Variants in FRYL observed in about 807,000 individuals in gnomAD.
FRYL encodes protein furry homolog-like.
A neutral mutation model predicts 351.2 loss-of-function variants in FRYL; 150 were observed. The ratio of observed to expected loss-of-function variants is 0.43; its 90% CI spans 0.37 to 0.49. The LOEUF (loss-of-function observed/expected upper bound fraction) is 0.49, where lower values mean the gene tolerates loss of function less well. Among genes scored for constraint, FRYL ranks in the 20% least tolerant of loss-of-function variants. The pLI is 0.00. For synonymous variants in FRYL, 1,153 were observed against 1,257.1 expected, an observed-to-expected ratio of 0.92 and a Z score of 1.75; for missense variants, 3,036 against 3,619.3, an observed-to-expected ratio of 0.84 and a Z score of 4.13.
At position 48,571,620 on chromosome 4, in the gene FRYL, T is replaced by G. The variant is rs1184737400; in HGVS notation, c.2905-702A>C. 14 of 983,418 alleles carry G rather than the reference T, an allele frequency of 1.4e-5. 1 individual carries two copies. Among genetic ancestry groups the G allele is most frequent in the Non-Finnish European group, 1.4e-5 (12 of 828,020 alleles). The allele number at this position is 983,418 out of a possible 1,614,324, so 60.9% of individuals were successfully genotyped here. ...TTTACTAGTTGAAATTTCACTTTCT[T>G]GTCCATGACCCAATTTTTCTGCCTT... On this transcript the variant is annotated intron_variant, in intron 26 of 63. Transcript: ENST00000358350.
At chr4:48,550,395 G>C in intron 38 of FRYL, 197 bp downstream of exon 38, 1 of 546,332 alleles carries the variant, frequency 1.8e-6, no homozygotes, top group South Asian at 2.8e-5. Context: ...TAGGAAACCA[G>C]TGCTTTAAAA....
rs567829773 is a variant in FRYL, at chr4:48,591,425, G to A, written c.1336-595C>T. The stretch of plus-strand genomic sequence containing the variant: ...CTCTTAAATATACTGCTATCTTAAT[G>A]GAAGAAACTTTCCCCAAATACTTCC... On this transcript the variant is annotated intron_variant, in intron 16 of 63. Coordinates refer to ENST00000358350, the MANE Select transcript of FRYL (RefSeq NM_015030.2). Among the ~76,000 whole-genome samples the A allele has an allele frequency of 3.3e-5, 5 of 152,174 alleles. No homozygotes were observed. In the South Asian group the frequency reaches 1.0e-3, roughly 32 times the overall value.
At chr4:48,575,008 G>T in intron 25 of FRYL, 109 bp downstream of exon 25, 1 of 891,780 alleles carries the variant, frequency 1.1e-6, no homozygotes, top group South Asian at 2.1e-5. Context: ...CCTGGTATGC[G>T]GTCAAGCACT....
intron 4 of FRYL, among the ~76,000 whole-genome samples, chr4:48,626,327 G>T (rs1751819582): frequency 6.6e-6 from 1 of 151,822 alleles, no homozygotes; most frequent in East Asian, 1.9e-4. Flanking sequence ...GATATCTTAA[G>T]AACTATTCGC....
At chr4:48,673,127 TG>T (rs1246610107) in intron 3 of FRYL, among the ~76,000 whole-genome samples, 3 of 152,188 alleles carry the variant, frequency 2.0e-5, no homozygotes, top group Non-Finnish European at 4.4e-5. Context: ...CACTTTGTAA[TG>T]AAATGGAACC....
intron 3 of FRYL, among the ~76,000 whole-genome samples, chr4:48,651,254 GTGTGT>G: frequency 7.8e-6 from 1 of 128,008 alleles, no homozygotes; most frequent in Non-Finnish European, 1.7e-5. Context: ...GTGTGTGTGT[GTGTGT>G]AGTGGTAGAA....
chr4:48,635,940 T>G (rs1169375979), intron 3 of FRYL, among the ~76,000 whole-genome samples: 1 of 152,108 alleles, frequency 6.6e-6, no homozygotes, highest in East Asian at 1.9e-4. Flanking sequence ...ATTCAAAACT[T>G]ATTAAAAAAT....
intron 3 of FRYL, among the ~76,000 whole-genome samples, chr4:48,672,278 C>CCAT (rs1762875852): frequency 6.6e-6 from 1 of 152,152 alleles, no homozygotes; most frequent in South Asian, 2.1e-4. Flanking sequence ...GATGGAAGTG[C>CCAT]CATCTCCTTC....
At chr4:48,638,038 T>C (rs894398491) in intron 3 of FRYL, 2 of 151,946 alleles carry the variant, frequency 1.3e-5, no homozygotes, top group African/African-American at 4.8e-5. Context: ...TTCTCAACAA[T>C]TGGGGTATTT....
intron 11 of FRYL, among the ~76,000 whole-genome samples, chr4:48,603,983 A>C (rs1467993318): frequency 6.6e-6 from 1 of 151,834 alleles, no homozygotes; most frequent in Non-Finnish European, 1.5e-5. Context: ...CCCTAATCAT[A>C]CTCTTTTTAA....
At chr4:48,550,209 G>A (rs1732382647) in intron 38 of FRYL, among the ~76,000 whole-genome samples, 1 of 152,124 alleles carries the variant, frequency 6.6e-6, no homozygotes, top group Non-Finnish European at 1.5e-5. Flanking sequence ...CTGCCTTAAC[G>A]TTATAGTGAA....
chr4:48,544,025 T>C, intron 43 of FRYL, 28 bp from the exon 44 acceptor site: 1 of 1,596,254 alleles, frequency 6.3e-7, no homozygotes, highest in Non-Finnish European at 8.6e-7. Context: ...ACGAGTAGGT[T>C]GTTCTTGTTC....
intron 54 of FRYL, 82 bp from the exon 55 acceptor site, chr4:48,521,297 G>C (rs904133007): frequency 2.9e-6 from 3 of 1,020,356 alleles, no homozygotes; most frequent in Non-Finnish European, 4.3e-6. Context: ...AAATATTTTA[G>C]GGGCTTCGTT....
chr4:48,632,091 AAT>A (rs1560753223), intron 4 of FRYL, among the ~76,000 whole-genome samples: 267 of 23,368 alleles, frequency 0.011, 2 homozygotes, highest in African/African-American at 0.021. Flanking sequence ...AAAAAAAAAA[AAT>A]ATATATATAT....
intron 1 of FRYL, among the ~76,000 whole-genome samples, chr4:48,739,415 A>C (rs1420917241): frequency 6.8e-6 from 1 of 147,838 alleles, no homozygotes; most frequent in African/African-American, 2.4e-5. Flanking sequence ...AAAAAAAAAA[A>C]AAAAAACAAC....
chr4:48,758,154 C>G (rs1287202120), intron 1 of FRYL, among the ~76,000 whole-genome samples: 4 of 152,144 alleles, frequency 2.6e-5, no homozygotes, highest in Admixed American at 6.5e-5. Flanking sequence ...CTAGGCAATA[C>G]CATTCAGGAC....
intron 3 of FRYL, among the ~76,000 whole-genome samples, chr4:48,636,218 C>CA (rs1754205160): frequency 6.6e-6 from 1 of 151,936 alleles, no homozygotes; most frequent in South Asian, 2.1e-4. Context: ...TGTGTATTAT[C>CA]AAAGAGGGAA....
intron 32 of FRYL, 26 bp from the exon 33 acceptor site, chr4:48,561,662 T>C (rs767279155): frequency 4.5e-6 from 7 of 1,561,748 alleles, no homozygotes; most frequent in Non-Finnish European, 6.1e-6. Context: ...TCCATCAACT[T>C]AGGTTAAGAT....
intron 1 of FRYL, among the ~76,000 whole-genome samples, chr4:48,737,389 G>A (rs545166627): frequency 6.6e-6 from 1 of 151,936 alleles, no homozygotes; most frequent in Non-Finnish European, 1.5e-5. Flanking sequence ...GAGATTAAAT[G>A]AGCCAATTCC....
Sources: allele counts gnomAD v4.1 joint callset (sites outside exome capture counted in the v4.1 genomes callset), GRCh38; gene constraint gnomAD v4.1.1; transcripts MANE v1.5; gene names NCBI Gene and HGNC (gene_info 2026-07-23, HGNC 2026-07-21).